UGT2B4: variants seen among roughly 807,000 people sequenced by gnomAD.
UGT2B4 encodes UDP glucuronosyltransferase family 2 member B4, also known as UDP-glucuronosyltransferase 2B4.
In UGT2B4, 49 loss-of-function variants were observed where a neutral mutation model predicts 49.8. The ratio of observed to expected loss-of-function variants is 0.98; its 90% confidence interval spans 0.78 to 1.25. The LOEUF (loss-of-function observed/expected upper bound fraction) is 1.25, where lower values mean the gene tolerates loss of function less well. Ranked by LOEUF, UGT2B4 falls within the 50% of genes most tolerant of loss-of-function variation. The pLI, the probability that UGT2B4 is intolerant of heterozygous loss-of-function variation, is 0.00. For missense variants in UGT2B4, 729 were observed against 627.7 expected, an observed-to-expected ratio of 1.16 and a Z score of -1.73; for synonymous variants, 246 against 217.7, an observed-to-expected ratio of 1.13 and a Z score of -1.14.
In UGT2B4 at chr4:69,489,583, AG is replaced by A; in HGVS notation, c.871-14del. The A allele has an allele frequency of 6.2e-7, 1 of 1,600,346 alleles. No homozygotes were observed. The highest frequency in any genetic ancestry group is 8.5e-7 in the Non-Finnish European group (1 of 1,174,648). ...ACTCTTCCATTTCCTGTGAAAAAAA[AG>A]AATTTGTTCTATCATAATAGATTAT... On this transcript the variant is annotated splice_polypyrimidine_tract_variant and intron_variant, in intron 2 of 5. Coordinates refer to ENST00000305107, the MANE Select transcript of UGT2B4 (RefSeq NM_021139.3).
chr4:69,484,700 A>G (rs1727713911), intron 5 of UGT2B4, among the ~76,000 whole-genome samples: 1 of 152,148 alleles, frequency 6.6e-6, no homozygotes, highest in African/African-American at 2.4e-5. Flanking sequence ...AAATTATATG[A>G]TGGTGATGGC....
rs1728916444 is a variant in UGT2B4 at position 69,524,309 on chromosome 4, G to A, written c.-106+1378C>T. On this transcript the variant is annotated intron_variant, in intron 1 of 1. Coordinates refer to the UGT2B4 transcript ENST00000510114. ...ACTTTTGATTTAAAGTGAAACACGT[G>A]GTACTCTCTCTTTCACTTGAACACT... 2.6e-5 allele frequency among the ~76,000 whole-genome samples: 4 copies of A among 151,982 alleles called. No individual in the cohort carries two copies. The South Asian group carries it at 8.3e-4, about 32-fold the overall frequency.
At chr4:69,512,302 G>A (rs546382531) in intron 1 of UGT2B4, among the ~76,000 whole-genome samples, 4 of 151,866 alleles carry the variant, frequency 2.6e-5, no homozygotes, top group African/African-American at 9.6e-5. Context: ...CCTCTTAGGG[G>A]TGTTTTTGCT....
intron 2 of UGT2B4, among the ~76,000 whole-genome samples, chr4:69,491,434 A>T (rs1374419072): frequency 2.6e-5 from 4 of 152,078 alleles, no homozygotes; most frequent in African/African-American, 9.7e-5. Flanking sequence ...ATTTCATGTG[A>T]ATATATTATA....
chr4:69,496,253 C>T (rs1728160818), upstream of UGT2B4, among the ~76,000 whole-genome samples: 1 of 151,360 alleles, frequency 6.6e-6, no homozygotes, highest in Non-Finnish European at 1.5e-5. Flanking sequence ...TCTCGAACCC[C>T]TGACCTTGTG....
At chr4:69,508,055 A>G (rs1221387469) in intron 1 of UGT2B4, among the ~76,000 whole-genome samples, 2 of 152,250 alleles carry the variant, frequency 1.3e-5, no homozygotes, top group Admixed American at 6.5e-5. Flanking sequence ...GACACTTTTC[A>G]AAAGAAGATA....
At chr4:69,488,426 T>A (rs2109807558) in intron 3 of UGT2B4, among the ~76,000 whole-genome samples, 1 of 152,296 alleles carries the variant, frequency 6.6e-6, no homozygotes, top group Non-Finnish European at 1.5e-5. Context: ...TTTACGGTGT[T>A]TAAGTTCTAT....
At chr4:69,509,698 G>T (rs564440590) in intron 1 of UGT2B4, among the ~76,000 whole-genome samples, 73 of 151,986 alleles carry the variant, frequency 4.8e-4, no homozygotes, top group African/African-American at 1.6e-3. Flanking sequence ...ATTAATTAGG[G>T]TTTCTTTTTT....
chr4:69,510,707 T>G (rs1420100656), intron 1 of UGT2B4, among the ~76,000 whole-genome samples: 2 of 152,144 alleles, frequency 1.3e-5, no homozygotes, highest in East Asian at 3.8e-4. Flanking sequence ...TTATTAGTTT[T>G]AAGAGTATTT....
chr4:69,505,187 A>C (rs964192615), intron 1 of UGT2B4, among the ~76,000 whole-genome samples: 7 of 152,078 alleles, frequency 4.6e-5, no homozygotes, highest in African/African-American at 1.7e-4. Flanking sequence ...ATAACCAGCT[A>C]ACATCATGAT....
At chr4:69,499,659 T>C (rs527789617), upstream of UGT2B4, among the ~76,000 whole-genome samples, 3 of 152,342 alleles carry the variant, frequency 2.0e-5, no homozygotes, top group East Asian at 5.8e-4. Context: ...TTAAAGTCTC[T>C]TTTGTCAGAA....
At chr4:69,507,568 G>A (rs1218151721) in intron 1 of UGT2B4, among the ~76,000 whole-genome samples, 3 of 152,058 alleles carry the variant, frequency 2.0e-5, no homozygotes, top group Non-Finnish European at 4.4e-5. Context: ...AAAGAAATTA[G>A]AGATGACACA....
chr4:69,480,815 C>G lies in UGT2B4; in HGVS notation c.1406G>C (p.Arg469Pro). The G allele has an allele frequency of 6.2e-7, 1 of 1,613,768 alleles. No individual in the cohort carries two copies. The highest frequency in any genetic ancestry group is 8.5e-7 in the Non-Finnish European group (1 of 1,179,814). Residue 469 changes from arginine (R) to proline (P), a missense_variant, in exon 6 of 6, where the codon CGC becomes CCC. Coordinates refer to ENST00000305107, the MANE Select transcript of UGT2B4 (RefSeq NM_021139.3). The stretch of plus-strand genomic sequence containing the variant: ...CCGAAGGTGCTTGGCTCCTTTATGG[C>G]GCATGACAAATTCAATCCAGAAGAC... Reference protein sequence around the residue: ...RAVFWIEFVMRHKGAKHLRVA... With the variant: ...RAVFWIEFVMPHKGAKHLRVA...
chr4:69,518,182 T>A (rs1408919203), intron 1 of UGT2B4: 1 of 154,238 alleles, frequency 6.5e-6, no homozygotes, highest in African/African-American at 2.4e-5. Context: ...CACCTCAAAG[T>A]TCAATGCAGA....
intron 1 of UGT2B4, among the ~76,000 whole-genome samples, chr4:69,513,467 T>C (rs957777780): frequency 4.6e-5 from 7 of 152,334 alleles, no homozygotes; most frequent in East Asian, 1.9e-4. Context: ...ACCAGTACAA[T>C]GCTGTTTTGG....
chr4:69,502,666 A>T (rs1313532739), intron 1 of UGT2B4, among the ~76,000 whole-genome samples: 1 of 152,080 alleles, frequency 6.6e-6, no homozygotes, highest in Non-Finnish European at 1.5e-5. Flanking sequence ...CCCTGCCAGA[A>T]CTATTGAGCT....
At chr4:69,510,756 C>T (rs998044095) in intron 1 of UGT2B4, among the ~76,000 whole-genome samples, 1 of 151,974 alleles carries the variant, frequency 6.6e-6, no homozygotes, top group Non-Finnish European at 1.5e-5. Context: ...AATATCATGT[C>T]ATCTTCAAAC....
chr4:69,496,011 A>G, upstream of UGT2B4: 1 of 1,268,610 alleles, frequency 7.9e-7, no homozygotes. Context: ...CATGTGGATG[A>G]CAAAGAGACA....
intron 1 of UGT2B4, among the ~76,000 whole-genome samples, chr4:69,525,000 T>C (rs2109837022): frequency 6.6e-6 from 1 of 152,288 alleles, no homozygotes; most frequent in East Asian, 1.9e-4. Flanking sequence ...AAGTATGAAT[T>C]TTAGATTAAA....
Sources: gnomAD v4.1 joint callset for allele counts (sites outside exome capture counted in the v4.1 genomes callset) on GRCh38, gnomAD v4.1.1 for gene constraint, MANE v1.5 for transcripts, NCBI Gene and HGNC (gene_info 2026-07-23, HGNC 2026-07-21) for gene names.